SUSD1: variants seen among roughly 807,000 people sequenced by gnomAD.
The protein encoded by SUSD1 is sushi domain containing 1.
SUSD1 carries 65 observed loss-of-function variants against 86.9 expected under a neutral mutation model. The observed-to-expected ratio is 0.75, with a 90% confidence interval of 0.61 to 0.92. The LOEUF (loss-of-function observed/expected upper bound fraction) is 0.92, where lower values mean the gene tolerates loss of function less well. Ranked by LOEUF, SUSD1 falls within the 40% of genes least tolerant of loss-of-function variation. SUSD1 has a pLI of 0.00. For missense variants in SUSD1, 850 were observed against 929.7 expected, an observed-to-expected ratio of 0.91 and a Z score of 1.11; for synonymous variants, 346 against 350.0, an observed-to-expected ratio of 0.99 and a Z score of 0.13.
At chr9:112,092,383 C>G (rs746979913) in intron 10 of SUSD1, among the ~76,000 whole-genome samples, 23 of 152,122 alleles carry the variant, frequency 1.5e-4, no homozygotes, top group Non-Finnish European at 3.2e-4. Context: ...ATTTATGAGA[C>G]CCCCTGGAAT....
intron 5 of SUSD1, among the ~76,000 whole-genome samples, chr9:112,130,168 T>C (rs1007761784): frequency 2.0e-5 from 3 of 151,530 alleles, no homozygotes; most frequent in East Asian, 1.9e-4. Context: ...AGCCCAGGAG[T>C]TCAAGACCAG....
intron 8 of SUSD1, among the ~76,000 whole-genome samples, chr9:112,105,675 C>A (rs376110953): frequency 1.3e-5 from 2 of 152,152 alleles, no homozygotes; most frequent in Non-Finnish European, 2.9e-5. Context: ...GCCAATATCA[C>A]GCCACTGCAC....
chr9:112,065,925 A>C (rs1239447037), intron 12 of SUSD1, among the ~76,000 whole-genome samples: 1 of 152,266 alleles, frequency 6.6e-6, no homozygotes, highest in African/African-American at 2.4e-5. Flanking sequence ...GTATGATATC[A>C]CTTGAGCTAC....
intron 1 of SUSD1, among the ~76,000 whole-genome samples, chr9:112,170,383 A>T (rs957722400): frequency 6.6e-6 from 1 of 152,046 alleles, no homozygotes; most frequent in African/African-American, 2.4e-5. Context: ...ACCTCCAGCC[A>T]GGCCTGAGCC....
chr9:112,129,923 AG>A (rs777084209), intron 5 of SUSD1, among the ~76,000 whole-genome samples: 10 of 152,232 alleles, frequency 6.6e-5, no homozygotes, highest in Non-Finnish European at 1.2e-4. Flanking sequence ...TCTAAATAAC[AG>A]GACAGACATT....
intron 14 of SUSD1, among the ~76,000 whole-genome samples, chr9:112,057,420 A>C (rs1828500045): frequency 6.6e-6 from 1 of 152,214 alleles, no homozygotes; most frequent in African/African-American, 2.4e-5. Context: ...TGTTTTGTCT[A>C]TGGCTAAAAA....
At chr9:112,051,965 G>C (rs1345782270) in intron 15 of SUSD1, among the ~76,000 whole-genome samples, 1 of 152,100 alleles carries the variant, frequency 6.6e-6, no homozygotes, top group African/African-American at 2.4e-5. Flanking sequence ...TCATCCAATG[G>C]GCAGTCACTT....
At chr9:112,075,770 A>G (rs1329312416) in intron 12 of SUSD1, among the ~76,000 whole-genome samples, 1 of 152,176 alleles carries the variant, frequency 6.6e-6, no homozygotes, top group African/African-American at 2.4e-5. Context: ...AATATTTTTT[A>G]TTAATATGAA....
chr9:112,126,113 C>A (rs1469348336), intron 5 of SUSD1, among the ~76,000 whole-genome samples: 1 of 152,218 alleles, frequency 6.6e-6, no homozygotes, highest in South Asian at 2.1e-4. Context: ...CACAAGCAAC[C>A]AACCAAAGAG....
At chr9:112,143,417 T>G in intron 4 of SUSD1, 54 bp downstream of exon 4, 1 of 1,590,254 alleles carries the variant, frequency 6.3e-7, no homozygotes, top group Non-Finnish European at 8.6e-7. Flanking sequence ...CAGAAGAAAG[T>G]CACCATCAAC....
At chr9:112,070,248 C>T (rs1467514017) in intron 12 of SUSD1, among the ~76,000 whole-genome samples, 2 of 152,144 alleles carry the variant, frequency 1.3e-5, no homozygotes, top group African/African-American at 4.8e-5. Context: ...CCAGGTGATT[C>T]CACCTGCCTC....
At chr9:112,135,100 T>C (rs1179180092) in intron 5 of SUSD1, among the ~76,000 whole-genome samples, 1 of 151,352 alleles carries the variant, frequency 6.6e-6, no homozygotes, top group African/African-American at 2.4e-5. Context: ...ATTGCAAGCA[T>C]AAAAGAAAAA....
At chr9:112,156,892 C>T (rs1376010998) in intron 2 of SUSD1, among the ~76,000 whole-genome samples, 1 of 152,182 alleles carries the variant, frequency 6.6e-6, no homozygotes, top group Non-Finnish European at 1.5e-5. Flanking sequence ...GAAAGTCTCC[C>T]TCTCTCTGAA....
intron 5 of SUSD1, among the ~76,000 whole-genome samples, chr9:112,137,146 C>A (rs114594582): frequency 0.027 from 4,086 of 152,202 alleles, 199 homozygotes; most frequent in African/African-American, 0.094. Flanking sequence ...ACTTACACAC[C>A]TTAAAGAGCT....
chr9:112,174,947 A>G (rs1834208077), intron 1 of SUSD1, among the ~76,000 whole-genome samples, 186 bp downstream of exon 1: 2 of 150,750 alleles, frequency 1.3e-5, no homozygotes, highest in Non-Finnish European at 3.0e-5. Flanking sequence ...CCCGGCGGGG[A>G]GCCCCCCGCT....
At chr9:112,080,628 C>T (rs1235326460) in intron 10 of SUSD1, among the ~76,000 whole-genome samples, 1 of 148,266 alleles carries the variant, frequency 6.7e-6, no homozygotes, top group Non-Finnish European at 1.5e-5. Context: ...GCGGGGGTTG[C>T]AGTCAGCAGA....
intron 13 of SUSD1, among the ~76,000 whole-genome samples, chr9:112,060,041 G>A (rs1224490483): frequency 2.0e-5 from 3 of 151,622 alleles, no homozygotes; most frequent in African/African-American, 7.3e-5. Flanking sequence ...ATATAATTAG[G>A]GTAATTTCCA....
At chr9:112,078,217 T>C (rs922910573) in intron 12 of SUSD1, among the ~76,000 whole-genome samples, 1 of 152,124 alleles carries the variant, frequency 6.6e-6, no homozygotes, top group East Asian at 1.9e-4. Context: ...TGGTGGCCTA[T>C]ACAACTATAA....
chr9:112,149,996 A>G (rs1387594531), intron 2 of SUSD1, among the ~76,000 whole-genome samples: 1 of 152,218 alleles, frequency 6.6e-6, no homozygotes, highest in Non-Finnish European at 1.5e-5. Context: ...GAGTCCCCAG[A>G]AGCTTGCCCA....
Sources: allele counts gnomAD v4.1 joint callset (sites outside exome capture counted in the v4.1 genomes callset), GRCh38; gene constraint gnomAD v4.1.1; transcripts MANE v1.5; gene names NCBI Gene and HGNC (gene_info 2026-07-23, HGNC 2026-07-21).